The following DHX37 variants were observed in gnomAD, a reference collection of about 807,000 sequenced individuals.
DHX37 encodes the protein DEAH-box helicase 37.
DHX37 carries 52 observed loss-of-function variants against 134.3 expected under a neutral mutation model. The ratio of observed to expected loss-of-function variants is 0.39; its 90% confidence interval spans 0.31 to 0.49. DHX37 has a LOEUF of 0.49. DHX37 is among the 20% of genes least tolerant of loss of function. The probability of loss-of-function intolerance (pLI) is 0.93; values close to 1 mark genes in which losing one functional copy is unlikely to be tolerated. For missense variants in DHX37, 1,344 were observed against 1,580.8 expected (o/e 0.85, Z 2.54); for synonymous variants, 634 against 670.7 (o/e 0.95, Z 0.85).
At position 124,966,806 on chromosome 12, in the gene DHX37, T is replaced by C. The variant is rs753406000; in HGVS notation, c.1577A>G (p.Lys526Arg). 56 of 1,614,106 alleles carry C rather than the reference T, an allele frequency of 3.5e-5. 1 individual carries two copies. In the Middle Eastern group the frequency reaches 8.2e-4, roughly 24 times the overall value. Residue 526 changes from lysine to arginine, a missense_variant, in exon 12 of 27, where the codon AAG becomes AGG. By Grantham distance (26) the Lys-to-Arg change is conservative. Transcript: ENST00000308736. Reference protein sequence around the residue: ...KFKKSRARAKKARAEVLPQIN... With the variant: ...KFKKSRARAKRARAEVLPQIN... ...CCCCCCACGTACCTCAGCCCGCGCC[T>C]TCTTGGCCCTGGCCCTTGACTTCTT...
chr12:124,954,364 A>C (rs1594475133), intron 18 of DHX37, 153 bp from the exon 19 acceptor site: 1 of 772,010 alleles, frequency 1.3e-6, no homozygotes, highest in Non-Finnish European at 1.6e-6. Flanking sequence ...CTCAAAATTC[A>C]CCATTGGCAG....
chr12:124,966,940 C>T lies in DHX37; in HGVS notation c.1505-62G>A, dbSNP rs897208916. On this transcript the variant is annotated intron_variant, in intron 11 of 26. Transcript: ENST00000308736. The stretch of plus-strand genomic sequence containing the variant: ...GGCCGGCGTGGTCGCCAGCACACTG[C>T]CCTTTGTTGTTCAAGGCATGGCCAC... The T allele has an allele frequency of 8.1e-6, 13 of 1,604,944 alleles. No homozygotes were observed. The African/African-American group carries it at 1.5e-4, about 18-fold the overall frequency.
At chr12:124,963,437 G>T (rs563416363) in intron 15 of DHX37, among the ~76,000 whole-genome samples, 1 of 152,232 alleles carries the variant, frequency 6.6e-6, no homozygotes, top group South Asian at 2.1e-4. Context: ...TGTGGTGATG[G>T]TTGCACAACT....
Position 124,977,377 on chromosome 12 carries a change from C to T in DHX37, c.852G>A (p.Gln284=). The part of the protein sequence containing the change: ...CGETGSGKTT[Q]VPQFLYEAGF... ...CTGCTTCATAGAGAAACTGAGGCAC[C>T]TGTGTGGTCTTCCCGCTGCCGGTCT... The change falls in exon 5 of 27, where the codon CAG becomes CAA. Residue 284 remains glutamine (Q), a synonymous_variant. Coordinates refer to ENST00000308736, the MANE Select transcript of DHX37 (RefSeq NM_032656.4). 6.3e-7 allele frequency: 1 copy of T among 1,595,924 alleles called. No homozygotes were observed. The highest frequency in any genetic ancestry group is 8.5e-7 in the Non-Finnish European group (1 of 1,172,326).
intron 17 of DHX37, 72 bp from the exon 18 acceptor site, chr12:124,956,951 G>A (rs1025117647): frequency 2.0e-6 from 3 of 1,534,530 alleles, no homozygotes; most frequent in Non-Finnish European, 2.6e-6. Flanking sequence ...CCCCACGCTT[G>A]AGGCAGCTCA....
chr12:124,957,583 C>T lies in DHX37; in HGVS notation c.2158-448G>A, dbSNP rs140320297. Among the ~76,000 whole-genome samples, 23 of 152,076 alleles carry T rather than the reference C, an allele frequency of 1.5e-4. 2 individuals carry two copies. Among genetic ancestry groups the T allele is most frequent in the African/African-American group, 4.6e-4 (19 of 41,482 alleles). ...GGTAGATCACCTGAGGTCAGGAGTT[C>T]GAGACCAGCCTGACCAATATGGTGA... On this transcript the variant is annotated intron_variant, in intron 16 of 26. Transcript: ENST00000308736.
chr12:124,954,537 G>A (rs1218084450), intron 18 of DHX37, among the ~76,000 whole-genome samples: 2 of 151,970 alleles, frequency 1.3e-5, no homozygotes, highest in South Asian at 2.1e-4. Flanking sequence ...GGGACTACAG[G>A]TGCCCACCAC....
At chr12:124,983,140 G>A (rs182425985) in intron 2 of DHX37, among the ~76,000 whole-genome samples, 4 of 152,036 alleles carry the variant, frequency 2.6e-5, no homozygotes, top group South Asian at 4.2e-4. Context: ...ACAGAGTGTC[G>A]CTCTGTCACC....
At chr12:124,968,696 C>T (rs374320475) in intron 9 of DHX37, 48 bp from the exon 10 acceptor site, 15 of 1,612,316 alleles carry the variant, frequency 9.3e-6, no homozygotes, top group East Asian at 6.7e-5. Flanking sequence ...ACACGAGCTT[C>T]GGCCCAGGGC....
In DHX37 at chr12:124,960,408, C is replaced by T. The variant is rs759672550; in HGVS notation, c.2061G>A (p.Ala687=). 1.4e-5 allele frequency: 23 copies of T among 1,611,792 alleles called. No individual in the cohort carries two copies. The highest frequency in any genetic ancestry group is 1.3e-4 in the East Asian group (6 of 44,876). ...PGHCYRLYSS[A]VFGDFEQFPP... ...GAAACTGCTCGAAGTCACCAAAAAC[C>T]GCAGATGAATACAGCCTGGATGGAG... Residue 687 remains alanine, a synonymous_variant, in exon 16 of 27, where the codon GCG becomes GCA. Coordinates refer to ENST00000308736, the MANE Select transcript of DHX37 (RefSeq NM_032656.4).
intron 13 of DHX37, among the ~76,000 whole-genome samples, chr12:124,965,230 T>C (rs1053182414): frequency 6.6e-6 from 1 of 152,194 alleles, no homozygotes; most frequent in Non-Finnish European, 1.5e-5. Context: ...TCTGAACCCC[T>C]GTGCTGCACA....
intron 6 of DHX37, among the ~76,000 whole-genome samples, chr12:124,974,504 G>GA (rs397798307): frequency 6.7e-6 from 1 of 148,876 alleles, no homozygotes; most frequent in Non-Finnish European, 1.5e-5. Context: ...TGACCCGGGG[G>GA]CCGGTGGCTC....
chr12:124,974,413 A>C (rs1434796252), intron 6 of DHX37, among the ~76,000 whole-genome samples: 2 of 151,680 alleles, frequency 1.3e-5, no homozygotes, highest in African/African-American at 4.8e-5. Flanking sequence ...TTGGGTGAGA[A>C]GGGGCCCCCA....
intron 18 of DHX37, among the ~76,000 whole-genome samples, chr12:124,956,307 C>A (rs938237659): frequency 6.6e-6 from 1 of 152,222 alleles, no homozygotes; most frequent in African/African-American, 2.4e-5. Context: ...GAAATCTCTG[C>A]AGAAATGACC....
chr12:124,949,460 C>A lies in DHX37; in HGVS notation c.3290+526G>T, dbSNP rs1381267751. 8.5e-6 allele frequency among the ~76,000 whole-genome samples: 1 copy of A among 117,214 alleles called. No homozygotes were observed. Among genetic ancestry groups the A allele is most frequent in the East Asian group, 4.4e-4 (1 of 2,266 alleles). The allele number at this position is 117,214 out of a possible 152,430, so 76.9% of individuals were successfully genotyped here. On this transcript the variant is annotated intron_variant, in intron 25 of 26. Transcript: ENST00000308736. The surrounding 1 kb of genome is among the most constrained non-coding windows in gnomAD (Gnocchi z 4.0). ...AGCAGAGGTGGTGGGCGGGATGGGG[C>A]AGGGGTCTGCTTAGCTGGGAGGAAG...
chr12:124,967,111 C>T lies in DHX37; in HGVS notation c.1504+12G>A, dbSNP rs761634584. 4.5e-5 allele frequency: 72 copies of T among 1,612,966 alleles called. No homozygotes were observed. The highest frequency in any genetic ancestry group is 3.7e-4 in the African/African-American group (28 of 74,922). ...GCTCAGGGCAGAGTGCTGGTCGGGG[C>T]GTCCTCTTTACCTTGTGGCCGGGCT... On this transcript the variant is annotated intron_variant, in intron 11 of 26. Transcript: ENST00000308736.
At position 124,966,868 on chromosome 12, in the gene DHX37, G is replaced by T. The variant is rs774873813; in HGVS notation, c.1515C>A (p.Asp505Glu). The change falls in exon 12 of 27, where the codon GAC (aspartate) becomes GAA (glutamate). Residue 505 changes from aspartate to glutamate, a missense_variant. By Grantham distance (45) the Asp-to-Glu change is conservative. Coordinates refer to ENST00000308736, the MANE Select transcript of DHX37 (RefSeq NM_032656.4). ...PSRARPQEKDDDQKDSVEEMR... is the reference protein window; with the variant it reads ...PSRARPQEKDEDQKDSVEEMR... ...TTTCCTCCACCGAGTCTTTCTGATC[G>T]TCGTCCTTTTCTGGGAGAGGGGCAG... is the stretch of plus-strand genomic sequence containing the variant. 1.2e-6 allele frequency: 2 copies of T among 1,614,224 alleles called. No individual in the cohort carries two copies. The highest frequency in any genetic ancestry group is 1.7e-6 in the Non-Finnish European group (2 of 1,180,038).
At chr12:124,972,400 G>T in intron 7 of DHX37, 103 bp downstream of exon 7, 1 of 1,200,694 alleles carries the variant, frequency 8.3e-7, no homozygotes, top group Admixed American at 1.7e-5. Flanking sequence ...GGGAGTGCTG[G>T]ATCAACAGGT....
chr12:124,947,927 G>C (rs1953905017), intron 26 of DHX37, 40 bp from the exon 27 acceptor site: 1 of 1,610,836 alleles, frequency 6.2e-7, no homozygotes, highest in Admixed American at 1.7e-5. Flanking sequence ...GGGTGACCCT[G>C]GGCCCAGGGA....
Sources: gnomAD v4.1 joint callset for allele counts (sites outside exome capture counted in the v4.1 genomes callset) on GRCh38, gnomAD v4.1.1 for gene constraint, Gnocchi (gnomAD v3.1) non-coding constraint, MANE v1.5 for transcripts, NCBI Gene and HGNC (gene_info 2026-07-23, HGNC 2026-07-21) for gene names.